Variants in ERG observed in about 807,000 individuals in gnomAD.
ERG encodes the protein transcriptional regulator ERG.
Under a neutral mutation model 55.3 loss-of-function variants are expected in ERG, and 9 were observed. The observed-to-expected ratio is 0.16, with a 90% confidence interval of 0.10 to 0.28. The LOEUF (loss-of-function observed/expected upper bound fraction) is 0.28. Among genes scored for constraint, ERG ranks in the 10% least tolerant of loss-of-function variants. The pLI is 1.00. For missense variants in ERG, 434 were observed against 631.6 expected (o/e 0.69, Z 3.35); for synonymous variants, 223 against 237.3 (o/e 0.94, Z 0.55).
upstream of ERG, among the ~76,000 whole-genome samples, chr21:38,585,789 C>A (rs561572879): frequency 6.6e-6 from 1 of 151,974 alleles, no homozygotes; most frequent in Admixed American, 6.6e-5. Context: ...ACTTAGGAAG[C>A]CCCCAGCCAA....
At chr21:38,561,009 C>G (rs531634285) in intron 2 of ERG, among the ~76,000 whole-genome samples, 3 of 152,110 alleles carry the variant, frequency 2.0e-5, no homozygotes, top group East Asian at 1.9e-4. Flanking sequence ...CTTTTTAATA[C>G]TATAAAATGT....
chr21:38,641,537 G>A (rs566120166), intron 1 of ERG, among the ~76,000 whole-genome samples: 12 of 152,126 alleles, frequency 7.9e-5, no homozygotes, highest in African/African-American at 1.9e-4. Context: ...TAAAGCAACC[G>A]GAAAGAGGCA....
intron 1 of ERG, chr21:38,450,770 C>T (rs2058934238): frequency 5.2e-6 from 2 of 384,074 alleles, no homozygotes; most frequent in Admixed American, 3.3e-5. Flanking sequence ...AAAGGCTTAT[C>T]CTAGGTATCA....
intron 7 of ERG, among the ~76,000 whole-genome samples, chr21:38,391,955 T>TAA (rs34250716): frequency 0.042 from 5,897 of 141,848 alleles, 135 homozygotes; most frequent in East Asian, 0.068. Context: ...TTTCCAAAAG[T>TAA]AAAAAAAAAA....
At chr21:38,580,775 T>G (rs7278432) in intron 1 of ERG, among the ~76,000 whole-genome samples, 16,027 of 152,276 alleles carry the variant, frequency 0.11, 957 homozygotes, top group Non-Finnish European at 0.12. Context: ...AAAGATGGAC[T>G]GGTACCCAAG....
intron 1 of ERG, among the ~76,000 whole-genome samples, chr21:38,639,079 C>A (rs2060407761): frequency 6.6e-6 from 1 of 152,198 alleles, no homozygotes; most frequent in African/African-American, 2.4e-5. Flanking sequence ...CAGCAGTATT[C>A]TCCCCCAGGA....
chr21:38,429,984 C>G (rs1990132324), intron 2 of ERG, among the ~76,000 whole-genome samples: 1 of 152,140 alleles, frequency 6.6e-6, no homozygotes, highest in African/African-American at 2.4e-5. Flanking sequence ...AGTGGTTGTA[C>G]TAGTTTCCAT....
intron 2 of ERG, among the ~76,000 whole-genome samples, chr21:38,514,753 G>T (rs1348031907): frequency 6.6e-6 from 1 of 151,862 alleles, no homozygotes; most frequent in Non-Finnish European, 1.5e-5. Flanking sequence ...AGTTAGTAAA[G>T]AAGGCAAGGA....
chr21:38,522,364 A>G (rs2059601328), intron 2 of ERG, among the ~76,000 whole-genome samples: 1 of 152,174 alleles, frequency 6.6e-6, no homozygotes, highest in Non-Finnish European at 1.5e-5. Context: ...AAATTTACTA[A>G]TAAAAGATTC....
At chr21:38,553,464 T>C (rs1271285643) in intron 2 of ERG, among the ~76,000 whole-genome samples, 3 of 152,120 alleles carry the variant, frequency 2.0e-5, no homozygotes, top group South Asian at 2.1e-4. Context: ...CAAGACAGCA[T>C]AGAACTAGTA....
In ERG at chr21:38,383,987, C is replaced by T; in HGVS notation, c.920-64G>A. The T allele has an allele frequency of 1.9e-6, 3 of 1,544,738 alleles. No individual in the cohort carries two copies. Among genetic ancestry groups the T allele is most frequent in the East Asian group, 4.5e-5 (2 of 44,256 alleles). On this transcript the variant is annotated intron_variant, in intron 9 of 9. Coordinates refer to ENST00000288319, the MANE Select transcript of ERG (RefSeq NM_182918.4). This position sits in a 1 kb window ranked among gnomAD's most constrained non-coding sequence, Gnocchi z 5.7. The stretch of plus-strand genomic sequence containing the variant: ...ACAGGTTCCAGGGGAAAGAGGCTCT[C>T]TGTGATGACGGAAGGAGGTGCTATT...
At chr21:38,532,140 C>A (rs1888473) in intron 2 of ERG, among the ~76,000 whole-genome samples, 1 of 151,874 alleles carries the variant, frequency 6.6e-6, no homozygotes, top group Non-Finnish European at 1.5e-5. Flanking sequence ...CCAGACGATC[C>A]AAGGTAACAA....
intron 2 of ERG, among the ~76,000 whole-genome samples, chr21:38,543,162 C>T (rs758793409): frequency 1.3e-5 from 2 of 152,176 alleles, no homozygotes; most frequent in Non-Finnish European, 2.9e-5. Context: ...TCATCTTAGA[C>T]ACCATAATTC....
At chr21:38,497,895 G>T (rs1442938158) in intron 1 of ERG, among the ~76,000 whole-genome samples, 1 of 152,190 alleles carries the variant, frequency 6.6e-6, no homozygotes, top group African/African-American at 2.4e-5. Context: ...CACTTGCCGA[G>T]TATCTCTTCG....
intron 2 of ERG, among the ~76,000 whole-genome samples, chr21:38,425,338 T>C (rs887130465): frequency 6.6e-6 from 1 of 151,262 alleles, no homozygotes; most frequent in Admixed American, 6.6e-5. Flanking sequence ...TGAGCTGAGA[T>C]GGCGCCATTG....
intron 2 of ERG, among the ~76,000 whole-genome samples, chr21:38,437,827 C>T (rs548611482): frequency 2.6e-5 from 4 of 152,274 alleles, no homozygotes; most frequent in East Asian, 1.9e-4. Context: ...CCCACTCTCA[C>T]GCAGATGTCT....
intron 1 of ERG, among the ~76,000 whole-genome samples, chr21:38,488,666 A>G (rs941188756): frequency 6.6e-5 from 10 of 152,256 alleles, no homozygotes; most frequent in Admixed American, 1.3e-4. Flanking sequence ...CTGCTTGACT[A>G]AAGAAAGCAA....
chr21:38,549,876 T>C (rs2059812822), intron 2 of ERG, among the ~76,000 whole-genome samples: 1 of 152,166 alleles, frequency 6.6e-6, no homozygotes, highest in Non-Finnish European at 1.5e-5. Context: ...TCTGGGGACA[T>C]GGAGACAGCC....
intron 1 of ERG, among the ~76,000 whole-genome samples, chr21:38,647,357 T>C (rs1289039755): frequency 1.3e-5 from 2 of 152,252 alleles, no homozygotes; most frequent in Non-Finnish European, 2.9e-5. Context: ...TGGCATTTCG[T>C]ATTTAAGCCA....
Sources: allele counts gnomAD v4.1 joint callset (sites outside exome capture counted in the v4.1 genomes callset), GRCh38; gene constraint gnomAD v4.1.1; non-coding constraint Gnocchi (gnomAD v3.1); transcripts MANE v1.5; gene names NCBI Gene and HGNC (gene_info 2026-07-23, HGNC 2026-07-21).